WDR45B: variants seen among roughly 807,000 people sequenced by gnomAD.
The protein encoded by WDR45B is WD repeat domain phosphoinositide-interacting protein 3.
A neutral mutation model predicts 44.6 loss-of-function variants in WDR45B; 20 were observed. The ratio of observed to expected loss-of-function variants is 0.45; its 90% CI spans 0.32 to 0.65. The LOEUF (loss-of-function observed/expected upper bound fraction) is 0.65, where lower values mean the gene tolerates loss of function less well. WDR45B is among the 30% of genes least tolerant of loss of function. WDR45B has a pLI of 0.05. For missense variants in WDR45B, 323 were observed against 430.2 expected (o/e 0.75, Z 2.20); for synonymous variants, 169 against 164.9 (o/e 1.02, Z -0.19).
intron 6 of WDR45B, among the ~76,000 whole-genome samples, chr17:82,620,469 A>C (rs1229579532): frequency 6.6e-6 from 1 of 151,912 alleles, no homozygotes; most frequent in Non-Finnish European, 1.5e-5. Context: ...ACTACCTAGA[A>C]ATAACTAAAC....
intron 3 of WDR45B, among the ~76,000 whole-genome samples, chr17:82,628,464 T>C (rs1373919747): frequency 6.7e-6 from 1 of 149,094 alleles, no homozygotes; most frequent in African/African-American, 2.5e-5. Context: ...GAGGGATGGG[T>C]GCGGTGGCTC....
intron 3 of WDR45B, among the ~76,000 whole-genome samples, 162 bp downstream of exon 3, chr17:82,630,759 G>A (rs989590029): frequency 1.3e-5 from 2 of 152,178 alleles, no homozygotes; most frequent in Non-Finnish European, 2.9e-5. Flanking sequence ...TCTGGGAATA[G>A]AGACCTGGTG....
chr17:82,627,420 C>T, intron 3 of WDR45B, 129 bp from the exon 4 acceptor site: 1 of 781,616 alleles, frequency 1.3e-6, no homozygotes, highest in Non-Finnish European at 2.2e-6. Context: ...CCTCAGGCCT[C>T]AGACACACAC....
chr17:82,617,139 C>A (rs2045547953), intron 8 of WDR45B, among the ~76,000 whole-genome samples, 157 bp downstream of exon 8: 2 of 152,110 alleles, frequency 1.3e-5, no homozygotes, highest in South Asian at 2.1e-4. Flanking sequence ...TAAACCCCAA[C>A]AAATATAAAA....
chr17:82,647,750 C>G (rs552750462), intron 1 of WDR45B, among the ~76,000 whole-genome samples: 1 of 151,922 alleles, frequency 6.6e-6, no homozygotes, highest in East Asian at 2.0e-4. Context: ...TCGGAGACGC[C>G]GGCTCCGCGG....
intron 1 of WDR45B, 96 bp from the exon 2 acceptor site, chr17:82,644,119 G>A (rs1320383909): frequency 1.7e-6 from 2 of 1,173,890 alleles, no homozygotes; most frequent in Non-Finnish European, 2.5e-6. Context: ...AACTCTTGCA[G>A]ATGCTCAAAC....
At position 82,621,656 on chromosome 17, in the gene WDR45B, T is replaced by C; in HGVS notation, c.571A>G (p.Ile191Val). 1.2e-6 allele frequency: 2 copies of C among 1,614,222 alleles called. No individual in the cohort carries two copies. Among genetic ancestry groups the C allele is most frequent in the Non-Finnish European group, 1.7e-6 (2 of 1,180,034 alleles). ...CTTGTTCCCTGCAGGTTGAGTGCAA[T>C]GCAGCTCAGGACACCCTCGTGTGCA... ...IPAHEGVLSC[I>V]ALNLQGTRIA... The change falls in exon 6 of 10, where the codon ATT (isoleucine) becomes GTT (valine). Residue 191 changes from isoleucine to valine, a missense_variant. Transcript: ENST00000392325.
chr17:82,624,452 A>C (rs1427833117), intron 5 of WDR45B, among the ~76,000 whole-genome samples: 1 of 151,890 alleles, frequency 6.6e-6, no homozygotes, highest in Non-Finnish European at 1.5e-5. Flanking sequence ...AGTAGAGATG[A>C]GGTTTCACCA....
chr17:82,631,371 C>A (rs2045765392), intron 2 of WDR45B, among the ~76,000 whole-genome samples: 1 of 148,118 alleles, frequency 6.8e-6, no homozygotes, highest in South Asian at 2.2e-4. Context: ...GCAACCTCCA[C>A]CTCCTGGGTT....
chr17:82,639,084 G>T (rs961233366), intron 2 of WDR45B, among the ~76,000 whole-genome samples: 1 of 151,984 alleles, frequency 6.6e-6, no homozygotes, highest in Non-Finnish European at 1.5e-5. Flanking sequence ...GCCTCCTAAA[G>T]TGCTGGGATT....
intron 3 of WDR45B, 57 bp downstream of exon 3, chr17:82,630,863 CA>C: frequency 1.3e-6 from 2 of 1,512,530 alleles, no homozygotes; most frequent in Non-Finnish European, 9.2e-7. Flanking sequence ...TAAACGCATT[CA>C]AAAAAAGACT....
At chr17:82,630,785 T>C in intron 3 of WDR45B, 136 bp downstream of exon 3, 1 of 890,908 alleles carries the variant, frequency 1.1e-6, no homozygotes, top group Non-Finnish European at 1.9e-6. Context: ...TTCGCCTGCT[T>C]CCTCCCCAGT....
intron 2 of WDR45B, among the ~76,000 whole-genome samples, chr17:82,637,448 AC>A (rs1332263969): frequency 6.6e-6 from 1 of 151,856 alleles, no homozygotes; most frequent in Non-Finnish European, 1.5e-5. Flanking sequence ...CGCACAGCAA[AC>A]CCCAGCTGGT....
intron 2 of WDR45B, among the ~76,000 whole-genome samples, chr17:82,639,431 G>T (rs564769686): frequency 6.6e-6 from 1 of 151,950 alleles, no homozygotes; most frequent in East Asian, 1.9e-4. Flanking sequence ...ACTCCACAAG[G>T]CTCTACCAAT....
At chr17:82,616,484 G>A in intron 9 of WDR45B, 40 bp downstream of exon 9, 2 of 1,612,440 alleles carry the variant, frequency 1.2e-6, no homozygotes, top group African/African-American at 1.3e-5. Flanking sequence ...GAGCCCAGGT[G>A]GGGCGGGTGG....
At chr17:82,629,662 G>A (rs1376497308) in intron 3 of WDR45B, 1 of 985,258 alleles carries the variant, frequency 1.0e-6, no homozygotes, top group African/African-American at 1.7e-5. Context: ...GTATCAGGCA[G>A]GGCCAGTCCT....
chr17:82,638,240 G>GGGAGA (rs1568014187), intron 2 of WDR45B, among the ~76,000 whole-genome samples: 2 of 3,262 alleles, frequency 6.1e-4, no homozygotes, highest in East Asian at 9.4e-3. Flanking sequence ...AGGAGGGGAG[G>GGGAGA]GGAGGGGAGG....
Position 82,615,895 on chromosome 17 carries a change from G to A in WDR45B, c.*24C>T. 6.2e-7 allele frequency: 1 copy of A among 1,602,150 alleles called. No homozygotes were observed. The highest frequency in any genetic ancestry group is 8.5e-7 in the Non-Finnish European group (1 of 1,169,870). Reference sequence around the variant, plus strand: ...AGAGTCTGAAGGCGGCAGGTGGTGGGTGCTGTGGCGCCCCCAGCTGGAGTC... The same window carrying A: ...AGAGTCTGAAGGCGGCAGGTGGTGGATGCTGTGGCGCCCCCAGCTGGAGTC... On this transcript the variant is annotated 3_prime_UTR_variant, in exon 10 of 10. Transcript: ENST00000392325.
In WDR45B at chr17:82,627,299, A is replaced by C. The variant is rs1330624208; in HGVS notation, c.245-8T>G. On this transcript the variant is annotated splice_region_variant and splice_polypyrimidine_tract_variant and intron_variant, in intron 3 of 9. Transcript: ENST00000392325. ...GGTCATCCCAGATCATTACTGAAAT[A>C]TCAGAAAGAAAAGATGAATGCAGTC... is the stretch of plus-strand genomic sequence containing the variant. The C allele has an allele frequency of 1.2e-6, 2 of 1,604,148 alleles. No individual in the cohort carries two copies. The highest frequency in any genetic ancestry group is 2.2e-5 in the South Asian group (2 of 90,936).
Sources: allele counts gnomAD v4.1 joint callset (sites outside exome capture counted in the v4.1 genomes callset), GRCh38; gene constraint gnomAD v4.1.1; transcripts MANE v1.5; gene names NCBI Gene and HGNC (gene_info 2026-07-23, HGNC 2026-07-21).